Variants in PCDHGB2 observed in about 807,000 individuals in gnomAD.
PCDHGB2 encodes the protein protocadherin gamma subfamily B, 2, also known as protocadherin gamma-B2.
In PCDHGB2, 55 loss-of-function variants were observed where a neutral mutation model predicts 59.3. The observed-to-expected ratio is 0.93, with a 90% CI of 0.75 to 1.16. PCDHGB2 has a LOEUF of 1.16. Among genes scored for constraint, PCDHGB2 ranks in the 50% most tolerant of loss-of-function variants. PCDHGB2 has a pLI of 0.00. For missense variants in PCDHGB2, 1,228 were observed against 1,198.5 expected, an observed-to-expected ratio of 1.02 and a Z score of -0.36; for synonymous variants, 516 against 512.0, an observed-to-expected ratio of 1.01 and a Z score of -0.11.
chr5:141,464,483 C>G (rs192469583), intron 1 of PCDHGB2, among the ~76,000 whole-genome samples: 32 of 151,368 alleles, frequency 2.1e-4, no homozygotes, highest in African/African-American at 7.3e-4. Flanking sequence ...ATAATAAATT[C>G]CTAATAGTGT....
chr5:141,431,995 G>A lies in PCDHGB2; in HGVS notation c.2422-62812G>A. 6.2e-7 allele frequency: 1 copy of A among 1,614,048 alleles called. No individual in the cohort carries two copies. Among genetic ancestry groups the A allele is most frequent in the East Asian group, 2.2e-5 (1 of 44,898 alleles). The stretch of plus-strand genomic sequence containing the variant: ...TAGTCACAGACATAGTCTTGGATAG[G>A]GAACAGGTTCCTAGCTACAACATCA... On this transcript the variant is annotated intron_variant, in intron 1 of 3. Coordinates refer to ENST00000522605, the MANE Select transcript of PCDHGB2 (RefSeq NM_018923.3). This position sits in a 1 kb window ranked among gnomAD's most constrained non-coding sequence, Gnocchi z 4.8.
rs767497197 is a variant in PCDHGB2, at chr5:141,486,350, T to C, written c.2422-8457T>C. The C allele has an allele frequency of 6.2e-7, 1 of 1,614,128 alleles. No homozygotes were observed. Among genetic ancestry groups the C allele is most frequent in the South Asian group, 1.1e-5 (1 of 91,074 alleles). On this transcript the variant is annotated intron_variant, in intron 1 of 3. Transcript: ENST00000522605. The surrounding 1 kb of genome is among the most constrained non-coding windows in gnomAD (Gnocchi z 5.0). ...TGTGAGCCTCCGCATTCCTGACCAC[T>C]TGCCATTTGCCCTCAAGTCTGCCTT...
chr5:141,476,868 C>T lies in PCDHGB2; in HGVS notation c.2422-17939C>T, dbSNP rs1213404395. On this transcript the variant is annotated intron_variant, in intron 1 of 3. Coordinates refer to ENST00000522605, the MANE Select transcript of PCDHGB2 (RefSeq NM_018923.3). This position sits in a 1 kb window ranked among gnomAD's most constrained non-coding sequence, Gnocchi z 7.6. ...GTCTTCAACCAGTCCTTGTACCGGG[C>T]GCGCGTCCTGGAGGATGCACCCTCC... 3 of 1,613,874 alleles carry T rather than the reference C, an allele frequency of 1.9e-6. No individual in the cohort carries two copies. Among genetic ancestry groups the T allele is most frequent in the Admixed American group, 3.3e-5 (2 of 60,026 alleles).
At chr5:141,467,728 C>A (rs2099150053) in intron 1 of PCDHGB2, among the ~76,000 whole-genome samples, 1 of 152,058 alleles carries the variant, frequency 6.6e-6, no homozygotes, top group Admixed American at 6.5e-5. Context: ...GTGGCACAAT[C>A]CCAGCTCGCT....
At position 141,485,930 on chromosome 5, in the gene PCDHGB2, G is replaced by C; in HGVS notation, c.2422-8877G>C. ...ATCCAGCTACAGGATTAGTGTGTTGGAGAGCGCACCAGCGGGCATGGTGCT... is the reference window on the plus strand; with the variant it reads ...ATCCAGCTACAGGATTAGTGTGTTGCAGAGCGCACCAGCGGGCATGGTGCT... On this transcript the variant is annotated intron_variant, in intron 1 of 3. Coordinates refer to ENST00000522605, the MANE Select transcript of PCDHGB2 (RefSeq NM_018923.3). The surrounding 1 kb of genome is among the most constrained non-coding windows in gnomAD (Gnocchi z 5.7). 6.2e-7 allele frequency: 1 copy of C among 1,614,178 alleles called. No homozygotes were observed. The highest frequency in any genetic ancestry group is 8.5e-7 in the Non-Finnish European group (1 of 1,180,042).
In PCDHGB2 at chr5:141,511,829, G is replaced by A. The variant is rs1181369164; in HGVS notation, c.*656G>A. 1 of 156,774 alleles carries A rather than the reference G, an allele frequency of 6.4e-6. No individual in the cohort carries two copies. Among genetic ancestry groups the A allele is most frequent in the Non-Finnish European group, 1.4e-5 (1 of 70,652 alleles). The allele number at this position is 156,774 out of a possible 1,614,324, so 9.7% of individuals were successfully genotyped here. Reference sequence around the variant, plus strand: ...TACCAAGCCTCTTCCCAACGCCCTGGGGACCAGTCTTCTGTTTTGTTTTTC... The same window carrying A: ...TACCAAGCCTCTTCCCAACGCCCTGAGGACCAGTCTTCTGTTTTGTTTTTC... On this transcript the variant is annotated 3_prime_UTR_variant, in exon 4 of 4. Transcript: ENST00000522605.
At chr5:141,466,871 T>C (rs1432611218) in intron 1 of PCDHGB2, among the ~76,000 whole-genome samples, 2 of 152,166 alleles carry the variant, frequency 1.3e-5, no homozygotes, top group African/African-American at 4.8e-5. Flanking sequence ...ATCCACACAT[T>C]TTTTTCATAA....
chr5:141,415,487 A>C, intron 1 of PCDHGB2: 1 of 1,614,170 alleles, frequency 6.2e-7, no homozygotes, highest in Non-Finnish European at 8.5e-7. Context: ...CGAAAGAGTC[A>C]CCTGATCTTC....
intron 1 of PCDHGB2, chr5:141,478,214 C>T (rs1258200424): frequency 6.2e-7 from 1 of 1,614,140 alleles, no homozygotes; most frequent in Admixed American, 1.7e-5. Flanking sequence ...TTCTCTAATC[C>T]TGGTTTCTGT....
chr5:141,433,642 C>A (rs1457700205), intron 1 of PCDHGB2, among the ~76,000 whole-genome samples: 2 of 152,170 alleles, frequency 1.3e-5, no homozygotes, highest in South Asian at 2.1e-4. Context: ...TTGAGACCAG[C>A]CTGACCAACA....
intron 1 of PCDHGB2, among the ~76,000 whole-genome samples, chr5:141,484,138 G>A (rs184277779): frequency 6.6e-6 from 1 of 152,244 alleles, no homozygotes; most frequent in Admixed American, 6.5e-5. Context: ...TCAGATAAAG[G>A]GAATTTGTAG....
At chr5:141,395,526 G>T in intron 1 of PCDHGB2, 4 of 357,898 alleles carry the variant, frequency 1.1e-5, no homozygotes, top group Admixed American at 4.6e-5. Context: ...GTCCATACTG[G>T]TAATTTTGCT....
Position 141,490,835 on chromosome 5 carries a change from T to C in PCDHGB2, c.2422-3972T>C, listed in dbSNP as rs1284804400. 4 of 1,613,728 alleles carry C rather than the reference T, an allele frequency of 2.5e-6. No individual in the cohort carries two copies. The highest frequency in any genetic ancestry group is 1.1e-5 in the South Asian group (1 of 91,076). On this transcript the variant is annotated intron_variant, in intron 1 of 3. Transcript: ENST00000522605. This position sits in a 1 kb window ranked among gnomAD's most constrained non-coding sequence, Gnocchi z 5.4. ...TATGAATTGCTGCAGATGCTGCAGATTGTGGTGGGGGTTCGAGACTCCGGC... is the reference window on the plus strand; with the variant it reads ...TATGAATTGCTGCAGATGCTGCAGACTGTGGTGGGGGTTCGAGACTCCGGC...
chr5:141,374,125 C>A, intron 1 of PCDHGB2: 1 of 1,602,448 alleles, frequency 6.2e-7, no homozygotes, highest in East Asian at 2.2e-5. Flanking sequence ...GCGAGCAGGT[C>A]CTGCTCCTCA....
chr5:141,438,358 G>A (rs1160913890), intron 1 of PCDHGB2, among the ~76,000 whole-genome samples: 1 of 151,634 alleles, frequency 6.6e-6, no homozygotes. Context: ...TCTGTGTATT[G>A]TCATTGAGGG....
rs2096665320 is a variant in PCDHGB2 at position 141,422,696 on chromosome 5, A to G, written c.2421+60140A>G. The G allele has an allele frequency of 3.1e-6, 5 of 1,602,638 alleles. No homozygotes were observed. The highest frequency in any genetic ancestry group is 4.3e-6 in the Non-Finnish European group (5 of 1,174,110). On this transcript the variant is annotated intron_variant, in intron 1 of 3. Coordinates refer to ENST00000522605, the MANE Select transcript of PCDHGB2 (RefSeq NM_018923.3). Reference sequence around the variant, plus strand: ...AGCAAACAGAATGCCCTGGTCACTTACTCTCTGACGGATGACACTGTCCAG... The same window carrying G: ...AGCAAACAGAATGCCCTGGTCACTTGCTCTCTGACGGATGACACTGTCCAG...
At position 141,360,833 on chromosome 5, in the gene PCDHGB2, C is replaced by T. The variant is rs760468418; in HGVS notation, c.698C>T (p.Thr233Met). 6 of 1,613,964 alleles carry T rather than the reference C, an allele frequency of 3.7e-6. No homozygotes were observed. In the South Asian group the frequency reaches 5.5e-5, roughly 15 times the overall value. Residue 233 changes from threonine to methionine, a missense_variant, in exon 1 of 4, where the codon ACG (threonine) becomes ATG (methionine). This residue lies in a region of PCDHGB2 where 781 missense variants were observed against 721.6 expected (regional missense o/e 1.08). Coordinates refer to ENST00000522605, the MANE Select transcript of PCDHGB2 (RefSeq NM_018923.3). The part of the protein sequence containing the change: ...SGTTQIRIKV[T>M]DANDNPPVFS... ...ACGACCCAAATCCGAATCAAAGTCA[C>T]GGATGCCAACGATAACCCTCCAGTG... is the stretch of plus-strand genomic sequence containing the variant.
intron 1 of PCDHGB2, among the ~76,000 whole-genome samples, chr5:141,379,797 G>C (rs1775829191): frequency 6.6e-6 from 1 of 150,836 alleles, no homozygotes; most frequent in African/African-American, 2.4e-5. Flanking sequence ...GGCTATCTGA[G>C]GTTTTGAGAG....
intron 1 of PCDHGB2, among the ~76,000 whole-genome samples, chr5:141,472,266 G>A (rs931951683): frequency 2.0e-5 from 3 of 152,198 alleles, no homozygotes. Flanking sequence ...TTATAGCCGG[G>A]CACAGTGGCT....
Sources: gnomAD v4.1 joint callset for allele counts (sites outside exome capture counted in the v4.1 genomes callset) on GRCh38, gnomAD v4.1.1 for gene constraint, gnomAD v4.1.1 regional missense constraint, Gnocchi (gnomAD v3.1) non-coding constraint, MANE v1.5 for transcripts, NCBI Gene and HGNC (gene_info 2026-07-23, HGNC 2026-07-21) for gene names.